Variants in KHDRBS2 observed in about 807,000 individuals in gnomAD.
KHDRBS2 encodes the protein KH RNA binding domain containing, signal transduction associated 2.
Under a neutral mutation model 44.3 loss-of-function variants are expected in KHDRBS2, and 26 were observed. That is an observed-to-expected ratio of 0.59 (90% CI 0.43 to 0.81). The LOEUF is 0.81. Ranked by LOEUF, KHDRBS2 falls within the 40% of genes least tolerant of loss-of-function variation. The pLI is 0.00. For missense variants in KHDRBS2, 476 were observed against 433.1 expected, an observed-to-expected ratio of 1.10 and a Z score of -0.88; for synonymous variants, 194 against 151.1, an observed-to-expected ratio of 1.28 and a Z score of -2.08.
At chr6:62,274,366 C>T (rs188927018) in intron 1 of KHDRBS2, among the ~76,000 whole-genome samples, 169 of 152,264 alleles carry the variant, frequency 1.1e-3, no homozygotes, top group African/African-American at 3.8e-3. Context: ...CTCCATCACA[C>T]TTGCCCCTTT....
chr6:62,237,637 C>T (rs1833909024), intron 1 of KHDRBS2, among the ~76,000 whole-genome samples: 1 of 152,126 alleles, frequency 6.6e-6, no homozygotes. Flanking sequence ...ATAATATGCA[C>T]AGGGCAATGA....
chr6:62,280,738 G>A (rs1282432175), intron 1 of KHDRBS2, among the ~76,000 whole-genome samples: 2 of 152,156 alleles, frequency 1.3e-5, no homozygotes, highest in African/African-American at 4.8e-5. Context: ...TATTCACATT[G>A]AATCATGTTG....
intron 6 of KHDRBS2, among the ~76,000 whole-genome samples, chr6:61,745,848 T>G (rs530123485): frequency 1.5e-4 from 23 of 152,076 alleles, no homozygotes; most frequent in African/African-American, 4.6e-4. Context: ...AATAAAATAT[T>G]TTATTTTATT....
intron 2 of KHDRBS2, among the ~76,000 whole-genome samples, chr6:62,130,827 T>C (rs1810125185): frequency 6.6e-6 from 1 of 152,012 alleles, no homozygotes; most frequent in South Asian, 2.1e-4. Flanking sequence ...GTCAAATATC[T>C]CATGCAATGT....
chr6:62,274,262 G>A (rs974488250), intron 1 of KHDRBS2, among the ~76,000 whole-genome samples: 7 of 152,022 alleles, frequency 4.6e-5, no homozygotes, highest in African/African-American at 7.2e-5. Flanking sequence ...CTTCTCTCTC[G>A]AACTGTTGCT....
intron 6 of KHDRBS2, among the ~76,000 whole-genome samples, chr6:61,774,647 A>C (rs1365662728): frequency 6.6e-6 from 1 of 152,206 alleles, no homozygotes. Flanking sequence ...TGAGGCAATA[A>C]TCAATAGCTT....
At chr6:61,775,904 C>T (rs181377767) in intron 6 of KHDRBS2, among the ~76,000 whole-genome samples, 23 of 152,282 alleles carry the variant, frequency 1.5e-4, no homozygotes, top group Admixed American at 1.2e-3. Context: ...TACAAGGCCA[C>T]AGTAACCAAA....
chr6:62,226,149 C>T (rs1173202547), intron 1 of KHDRBS2, among the ~76,000 whole-genome samples: 2 of 152,142 alleles, frequency 1.3e-5, no homozygotes, highest in African/African-American at 4.8e-5. Context: ...TTTACATTCC[C>T]ATCAATAGTG....
intron 6 of KHDRBS2, among the ~76,000 whole-genome samples, chr6:61,736,482 T>A (rs1046583298): frequency 6.6e-6 from 1 of 152,062 alleles, no homozygotes; most frequent in Non-Finnish European, 1.5e-5. Flanking sequence ...TTTTTAGGAA[T>A]CGGGCTTTTG....
At chr6:61,557,091 T>A in the KHDRBS2 span, among the ~76,000 whole-genome samples, 252 of 152,274 alleles carry the variant, frequency 1.7e-3, 3 homozygotes, top group Non-Finnish European at 4.6e-4. Flanking sequence ...TTTGCCCTCA[T>A]GTACCACCTG....
At chr6:61,553,857 A>G in the KHDRBS2 span, among the ~76,000 whole-genome samples, 1 of 152,048 alleles carries the variant, frequency 6.6e-6, no homozygotes, top group South Asian at 2.1e-4. Context: ...ACTGTGATCC[A>G]AGAGTGTGGT....
intron 4 of KHDRBS2, among the ~76,000 whole-genome samples, chr6:61,903,673 C>T (rs1460001277): frequency 1.3e-5 from 2 of 152,082 alleles, no homozygotes. Flanking sequence ...CTGAGATTTG[C>T]CATGTGATTT....
chr6:61,637,790 G>A, the KHDRBS2 span, among the ~76,000 whole-genome samples: 10 of 152,126 alleles, frequency 6.6e-5, no homozygotes, highest in East Asian at 1.9e-4. Flanking sequence ...GCCAGTGATG[G>A]TGAGCATTTT....
chr6:62,109,505 C>G (rs1165597429), intron 2 of KHDRBS2, among the ~76,000 whole-genome samples: 2 of 151,768 alleles, frequency 1.3e-5, no homozygotes, highest in Non-Finnish European at 2.9e-5. Flanking sequence ...GAAAATAAGT[C>G]TTTATTCACA....
intron 6 of KHDRBS2, among the ~76,000 whole-genome samples, chr6:61,741,201 G>A (rs1484259291): frequency 4.0e-5 from 6 of 151,276 alleles, no homozygotes; most frequent in Admixed American, 1.3e-4. Context: ...ACTCTTACAT[G>A]CATTACTACC....
the KHDRBS2 span, among the ~76,000 whole-genome samples, chr6:61,567,468 T>C: frequency 1.3e-5 from 2 of 152,038 alleles, no homozygotes; most frequent in South Asian, 4.1e-4. Flanking sequence ...ACCCTGTCTC[T>C]ACAAAAAAAG....
chr6:61,852,739 T>G, intron 6 of KHDRBS2, among the ~76,000 whole-genome samples: 1 of 152,084 alleles, frequency 6.6e-6, no homozygotes, highest in African/African-American at 2.4e-5. Context: ...AACAAAAACA[T>G]AAACTATACA....
At chr6:61,851,199 AT>A (rs1406688272) in intron 6 of KHDRBS2, among the ~76,000 whole-genome samples, 1 of 152,026 alleles carries the variant, frequency 6.6e-6, no homozygotes, top group Non-Finnish European at 1.5e-5. Context: ...TGAGAAAAAA[AT>A]ATATATATAC....
At chr6:62,072,409 G>A (rs1202003558) in intron 2 of KHDRBS2, among the ~76,000 whole-genome samples, 2 of 152,102 alleles carry the variant, frequency 1.3e-5, no homozygotes, top group Non-Finnish European at 1.5e-5. Context: ...GGGCATCCCT[G>A]TCTTCTGCCA....
Sources: allele counts gnomAD v4.1 joint callset (sites outside exome capture counted in the v4.1 genomes callset), GRCh38; gene constraint gnomAD v4.1.1; transcripts MANE v1.5; gene names NCBI Gene and HGNC (gene_info 2026-07-23, HGNC 2026-07-21).